The following DGKB variants were observed in gnomAD, a reference collection of about 807,000 sequenced individuals.
DGKB encodes 90 kDa diacylglycerol kinase.
In DGKB, 67 loss-of-function variants were observed where a neutral mutation model predicts 114.3. The ratio of observed to expected loss-of-function variants is 0.59; its 90% CI spans 0.48 to 0.72. The LOEUF (loss-of-function observed/expected upper bound fraction) is 0.72, where lower values mean the gene tolerates loss of function less well. DGKB is among the 30% of genes least tolerant of loss of function. The pLI, the probability that DGKB is intolerant of heterozygous loss-of-function variation, is 0.00. For missense variants in DGKB, 907 were observed against 975.2 expected, an observed-to-expected ratio of 0.93 and a Z score of 0.93; for synonymous variants, 398 against 323.1, an observed-to-expected ratio of 1.23 and a Z score of -2.49.
chr7:14,397,141 A>G (rs1207092042), intron 21 of DGKB, among the ~76,000 whole-genome samples: 1 of 152,142 alleles, frequency 6.6e-6, no homozygotes, highest in South Asian at 2.1e-4. Context: ...ATAGGTAGAC[A>G]GGACATGATC....
chr7:14,788,041 C>T lies in DGKB; in HGVS notation c.71-30310G>A, dbSNP rs1378197690. 8.5e-5 allele frequency among the ~76,000 whole-genome samples: 13 copies of T among 152,230 alleles called. No individual in the cohort carries two copies. The South Asian group carries it at 1.9e-3, about 22-fold the overall frequency. On this transcript the variant is annotated intron_variant, in intron 2 of 25. Coordinates refer to ENST00000402815, the MANE Select transcript of DGKB (RefSeq NM_001350709.2). Reference sequence around the variant, plus strand: ...ATGACAGGAGAGTAAAGACAAGGCCCGGGCCCCTTGCAGCATCCCATTGAG... The same window carrying T: ...ATGACAGGAGAGTAAAGACAAGGCCTGGGCCCCTTGCAGCATCCCATTGAG...
chr7:14,291,232 A>G (rs966407620), intron 23 of DGKB, among the ~76,000 whole-genome samples: 1 of 152,094 alleles, frequency 6.6e-6, no homozygotes, highest in East Asian at 1.9e-4. Context: ...ATGGCCATGA[A>G]CAGCAGATCC....
chr7:14,195,935 G>A (rs1040631263), intron 23 of DGKB, among the ~76,000 whole-genome samples: 2 of 152,170 alleles, frequency 1.3e-5, no homozygotes, highest in Admixed American at 6.6e-5. Context: ...CTGGTCAGAA[G>A]TAAATCTTAC....
In DGKB at chr7:14,941,544, T is replaced by TA. The variant is rs1297583612; in HGVS notation, c.-188+33151dup. Reference sequence around the variant, plus strand: ...TTCCAAAAATTGTATGCATAATTTGTAAACATATATAGTTACTTGTGAAGA... The same window carrying TA: ...TTCCAAAAATTGTATGCATAATTTGTAAAACATATATAGTTACTTGTGAAGA... On this transcript the variant is annotated intron_variant, in intron 1 of 4. Transcript: ENST00000437998. Among the ~76,000 whole-genome samples the TA allele has an allele frequency of 2.0e-5, 3 of 152,126 alleles. No individual in the cohort carries two copies. The East Asian group carries it at 5.8e-4, about 29-fold the overall frequency.
chr7:14,672,714 A>G (rs1029516858), intron 13 of DGKB, among the ~76,000 whole-genome samples: 5 of 152,260 alleles, frequency 3.3e-5, no homozygotes, highest in Admixed American at 1.3e-4. Context: ...AGTCAGCGTC[A>G]TTTCAAGCAT....
At chr7:14,712,672 A>G (rs1303218789) in intron 6 of DGKB, among the ~76,000 whole-genome samples, 1 of 150,430 alleles carries the variant, frequency 6.6e-6, no homozygotes, top group Non-Finnish European at 1.5e-5. Context: ...CTGTGTCTCA[A>G]AATAAATAAA....
chr7:14,532,330 A>T (rs2128596191), intron 20 of DGKB, among the ~76,000 whole-genome samples: 1 of 151,496 alleles, frequency 6.6e-6, no homozygotes, highest in African/African-American at 2.4e-5. Flanking sequence ...ACATGAATCA[A>T]ATGTCAGAGA....
chr7:14,240,090 G>C (rs1338830624), intron 23 of DGKB, among the ~76,000 whole-genome samples: 1 of 151,916 alleles, frequency 6.6e-6, no homozygotes, highest in Non-Finnish European at 1.5e-5. Context: ...CACCATAGAG[G>C]CACATATATG....
At chr7:14,219,195 A>G (rs1789516728) in intron 23 of DGKB, among the ~76,000 whole-genome samples, 1 of 151,690 alleles carries the variant, frequency 6.6e-6, no homozygotes. Context: ...GATTGTTTTG[A>G]CCTTTGGCTA....
intron 1 of DGKB, among the ~76,000 whole-genome samples, chr7:14,919,081 C>CACACACAA (rs1784383777): frequency 3.1e-5 from 4 of 130,284 alleles, no homozygotes; most frequent in African/African-American, 1.2e-4. Flanking sequence ...CACACACACA[C>CACACACAA]ACACACACAC....
chr7:14,633,196 C>T (rs889522737), intron 13 of DGKB, among the ~76,000 whole-genome samples: 4 of 151,614 alleles, frequency 2.6e-5, no homozygotes, highest in African/African-American at 7.3e-5. Context: ...AGAGGTGGTA[C>T]AATGAAAAAG....
intron 23 of DGKB, among the ~76,000 whole-genome samples, chr7:14,245,478 A>T (rs1479104617): frequency 6.6e-6 from 1 of 152,204 alleles, no homozygotes; most frequent in East Asian, 1.9e-4. Flanking sequence ...GATTCTAGCC[A>T]AGAGGTATGG....
chr7:14,504,491 CTTGTTGACTATT>C (rs1272762766), intron 20 of DGKB, among the ~76,000 whole-genome samples: 1 of 152,118 alleles, frequency 6.6e-6, no homozygotes, highest in East Asian at 1.9e-4. Flanking sequence ...TAGAAATGAA[CTTGTTGACTATT>C]TTTTCCCTAT....
At chr7:14,237,493 C>A (rs1244774533) in intron 23 of DGKB, among the ~76,000 whole-genome samples, 1 of 151,668 alleles carries the variant, frequency 6.6e-6, no homozygotes, top group South Asian at 2.1e-4. Context: ...CCTAGGCCAC[C>A]AAATAGGCAT....
At chr7:14,594,576 T>C (rs1269934612) in intron 17 of DGKB, among the ~76,000 whole-genome samples, 4 of 152,130 alleles carry the variant, frequency 2.6e-5, no homozygotes. Context: ...TATTTTATGG[T>C]CCAAATTCAT....
At chr7:14,731,913 C>G (rs187258593) in intron 5 of DGKB, among the ~76,000 whole-genome samples, 34 of 152,090 alleles carry the variant, frequency 2.2e-4, no homozygotes, top group Non-Finnish European at 4.0e-4. Flanking sequence ...AATCAAAAGT[C>G]AAATATGGAA....
At chr7:14,494,095 T>C (rs1377225366) in intron 20 of DGKB, among the ~76,000 whole-genome samples, 1 of 152,026 alleles carries the variant, frequency 6.6e-6, no homozygotes, top group Non-Finnish European at 1.5e-5. Flanking sequence ...AGCTTCAATG[T>C]TTCAAGCTCT....
chr7:14,450,161 T>C (rs181045253), intron 21 of DGKB, among the ~76,000 whole-genome samples: 14 of 152,164 alleles, frequency 9.2e-5, no homozygotes, highest in Admixed American at 7.2e-4. Context: ...CTTTTTAATT[T>C]TTGAAATTGT....
chr7:14,463,281 A>G (rs4370419), intron 21 of DGKB, among the ~76,000 whole-genome samples: 70,220 of 151,852 alleles, frequency 0.46, 16,301 homozygotes, highest in East Asian at 0.52. Flanking sequence ...ACTGGGCATA[A>G]TACCTAATGT....
Sources: gnomAD v4.1 joint callset for allele counts (sites outside exome capture counted in the v4.1 genomes callset) on GRCh38, gnomAD v4.1.1 for gene constraint, MANE v1.5 for transcripts, NCBI Gene and HGNC (gene_info 2026-07-23, HGNC 2026-07-21) for gene names.